Variants in GTF2H1 observed in about 807,000 individuals in gnomAD.
GTF2H1 encodes the protein BTF2 p62.
In GTF2H1, 16 loss-of-function variants were observed where a neutral mutation model predicts 71.2. The observed-to-expected ratio is 0.22, with a 90% CI of 0.15 to 0.34. The LOEUF (loss-of-function observed/expected upper bound fraction) is 0.34, where lower values mean the gene tolerates loss of function less well. GTF2H1 is among the 10% of genes least tolerant of loss of function. The probability of loss-of-function intolerance (pLI) is 1.00; values close to 1 mark genes in which losing one functional copy is unlikely to be tolerated. For missense variants in GTF2H1, 498 were observed against 648.2 expected, an observed-to-expected ratio of 0.77 and a Z score of 2.52; for synonymous variants, 215 against 219.0, an observed-to-expected ratio of 0.98 and a Z score of 0.16.
chr11:18,348,975 A>C (rs1041046693), intron 9 of GTF2H1: 1 of 152,192 alleles, frequency 6.6e-6, no homozygotes, highest in African/African-American at 2.4e-5. Flanking sequence ...GCTCACTGCA[A>C]CGTCTGCCTC....
In GTF2H1 at chr11:18,366,153, A is replaced by T. The variant is rs1200953831; in HGVS notation, c.*284A>T. 3.0e-6 allele frequency: 1 copy of T among 328,910 alleles called. No individual in the cohort carries two copies. The highest frequency in any genetic ancestry group is 2.1e-5 in the African/African-American group (1 of 47,254). 20.4% of individuals were successfully genotyped at this position (328,910 alleles called of 1,614,324 possible). A position where few individuals can be genotyped will look rare whatever the true frequency, so the allele number is the denominator to read the frequency against. ...CATATATGTACATGTGTATGTACAT[A>T]TATATTTTAAAAGACTGTTTACTGC... On this transcript the variant is annotated 3_prime_UTR_variant, in exon 15 of 15. Transcript: ENST00000265963.
At chr11:18,336,509 C>T (rs550279854) in intron 3 of GTF2H1, among the ~76,000 whole-genome samples, 3 of 152,252 alleles carry the variant, frequency 2.0e-5, no homozygotes, top group Non-Finnish European at 4.4e-5. Context: ...TAGTTTTCAG[C>T]TTTAAAATCT....
intron 4 of GTF2H1, among the ~76,000 whole-genome samples, chr11:18,338,665 T>C (rs961547556): frequency 2.6e-5 from 4 of 152,158 alleles, no homozygotes; most frequent in Admixed American, 2.0e-4. Flanking sequence ...CCCAGGCTGG[T>C]CTCAAATCCC....
At chr11:18,337,600 GA>G (rs1236031450) in intron 3 of GTF2H1, among the ~76,000 whole-genome samples, 1 of 151,556 alleles carries the variant, frequency 6.6e-6, no homozygotes, top group Admixed American at 6.6e-5. Context: ...AAGTACTTGG[GA>G]AAAAAATAAC....
At chr11:18,330,901 G>A (rs1864879064) in intron 1 of GTF2H1, among the ~76,000 whole-genome samples, 1 of 152,176 alleles carries the variant, frequency 6.6e-6, no homozygotes, top group Non-Finnish European at 1.5e-5. Context: ...AGAATAGCCT[G>A]TAAAGACCTA....
intron 1 of GTF2H1, among the ~76,000 whole-genome samples, chr11:18,329,139 C>T (rs750350380): frequency 6.6e-6 from 1 of 150,510 alleles, no homozygotes; most frequent in Non-Finnish European, 1.5e-5. Context: ...AAGGTAAGCA[C>T]AATTAAAAAT....
At chr11:18,347,808 C>CT (rs766211199) in intron 8 of GTF2H1, 24 bp from the exon 9 acceptor site, 13 of 1,593,186 alleles carry the variant, frequency 8.2e-6, no homozygotes, top group Admixed American at 1.8e-5. Flanking sequence ...TTAACGTTAA[C>CT]TTTTTTTTCC....
intron 9 of GTF2H1, among the ~76,000 whole-genome samples, chr11:18,349,550 A>G (rs968758533): frequency 6.6e-6 from 1 of 152,140 alleles, no homozygotes; most frequent in African/African-American, 2.4e-5. Flanking sequence ...AGGCATGGTG[A>G]CGTGCGCCTG....
At chr11:18,334,279 C>G (rs781607519) in intron 2 of GTF2H1, among the ~76,000 whole-genome samples, 3 of 152,092 alleles carry the variant, frequency 2.0e-5, no homozygotes, top group Non-Finnish European at 4.4e-5. Flanking sequence ...CCTCGGGAGC[C>G]TGAGGCAGGA....
intron 2 of GTF2H1, among the ~76,000 whole-genome samples, chr11:18,334,782 C>A (rs1864985871): frequency 6.6e-6 from 1 of 151,900 alleles, no homozygotes; most frequent in Non-Finnish European, 1.5e-5. Context: ...CGTAATATGC[C>A]CCACCTAGAT....
chr11:18,366,122 C>A lies in GTF2H1; in HGVS notation c.*253C>A. ...AGTTGCAAATATATATATATACACA[C>A]ACACACATATATGTACATGTGTATG... is the stretch of plus-strand genomic sequence containing the variant. On this transcript the variant is annotated 3_prime_UTR_variant, in exon 15 of 15. Coordinates refer to ENST00000265963, the MANE Select transcript of GTF2H1 (RefSeq NM_005316.4). The A allele has an allele frequency of 2.0e-6, 1 of 510,204 alleles. No individual in the cohort carries two copies. The highest frequency in any genetic ancestry group is 3.1e-5 in the East Asian group (1 of 32,412). 31.6% of individuals were successfully genotyped at this position (510,204 alleles called of 1,614,324 possible).
chr11:18,362,775 A>T (rs1445483685), intron 14 of GTF2H1, among the ~76,000 whole-genome samples: 7 of 147,090 alleles, frequency 4.8e-5, no homozygotes, highest in African/African-American at 1.8e-4. Context: ...GGTTCAAGCG[A>T]TTCTCCCGCC....
intron 14 of GTF2H1, 28 bp downstream of exon 14, chr11:18,360,735 A>G: frequency 8.8e-7 from 1 of 1,132,364 alleles, no homozygotes. Flanking sequence ...TTTTTGCCTG[A>G]TCTTCTTTCT....
chr11:18,350,700 A>C (rs1024174181), intron 9 of GTF2H1, among the ~76,000 whole-genome samples: 4 of 152,214 alleles, frequency 2.6e-5, no homozygotes, highest in Non-Finnish European at 1.5e-5. Context: ...ATAGTTAATA[A>C]CCTGAATGTT....
intron 11 of GTF2H1, among the ~76,000 whole-genome samples, chr11:18,352,654 A>AG (rs1256447788): frequency 1.3e-5 from 2 of 152,252 alleles, no homozygotes; most frequent in Non-Finnish European, 2.9e-5. Flanking sequence ...ATGAAAAAAA[A>AG]TAAGTTGATG....
In GTF2H1 at chr11:18,366,461, C is replaced by T. The variant is rs1405209601; in HGVS notation, c.*592C>T. On this transcript the variant is annotated 3_prime_UTR_variant, in exon 15 of 15. Transcript: ENST00000265963. Reference sequence around the variant, plus strand: ...AAAATAAAGCAAAGGGAGACTGTTGCTCAACCATCAGGAAACAGTTGTCAG... The same window carrying T: ...AAAATAAAGCAAAGGGAGACTGTTGTTCAACCATCAGGAAACAGTTGTCAG... 6.6e-6 allele frequency: 1 copy of T among 152,570 alleles called. No homozygotes were observed. Among genetic ancestry groups the T allele is most frequent in the African/African-American group, 2.4e-5 (1 of 41,426 alleles). The allele number at this position is 152,570 out of a possible 1,614,324, so 9.5% of individuals were successfully genotyped here. A position where few individuals can be genotyped will look rare whatever the true frequency, so the allele number is the denominator to read the frequency against.
intron 5 of GTF2H1, 106 bp from the exon 6 acceptor site, chr11:18,341,155 G>C: frequency 1.3e-6 from 1 of 776,746 alleles, no homozygotes; most frequent in Non-Finnish European, 2.1e-6. Flanking sequence ...ATGTAGAGTT[G>C]AGAGCTTTAT....
chr11:18,339,650 T>C lies in GTF2H1; in HGVS notation c.600T>C (p.Tyr200=). 1 of 1,559,294 alleles carries C rather than the reference T, an allele frequency of 6.4e-7. No individual in the cohort carries two copies. Among genetic ancestry groups the C allele is most frequent in the Non-Finnish European group, 8.8e-7 (1 of 1,130,224 alleles). The part of the protein sequence containing the change: ...SDIIESIFRT[Y]PAVKMKYAEN... ...TCATTGAGTCCATATTTAGGACCTATCCAGCAGGTAAGAAGAATCAGTTCT... is the reference window on the plus strand; with the variant it reads ...TCATTGAGTCCATATTTAGGACCTACCCAGCAGGTAAGAAGAATCAGTTCT... The change falls in exon 5 of 15, where the codon TAT becomes TAC. Residue 200 remains tyrosine (Y), a synonymous_variant. Coordinates refer to ENST00000265963, the MANE Select transcript of GTF2H1 (RefSeq NM_005316.4).
intron 12 of GTF2H1, 57 bp downstream of exon 12, chr11:18,358,099 C>A: frequency 8.8e-7 from 1 of 1,135,814 alleles, no homozygotes; most frequent in Admixed American, 1.8e-5. Context: ...AAAAAGCAAG[C>A]TGGGAGGAGT....
Sources: allele counts gnomAD v4.1 joint callset (sites outside exome capture counted in the v4.1 genomes callset), GRCh38; gene constraint gnomAD v4.1.1; transcripts MANE v1.5; gene names NCBI Gene and HGNC (gene_info 2026-07-23, HGNC 2026-07-21).